TMEM117: variants seen among roughly 807,000 people sequenced by gnomAD.
The protein encoded by TMEM117 is transmembrane protein 117.
Under a neutral mutation model 52.4 loss-of-function variants are expected in TMEM117, and 27 were observed. That is an observed-to-expected ratio of 0.51 (90% CI 0.38 to 0.71). The LOEUF (loss-of-function observed/expected upper bound fraction) is 0.71, where lower values mean the gene tolerates loss of function less well. TMEM117 is among the 30% of genes least tolerant of loss of function. The pLI, the probability that TMEM117 is intolerant of heterozygous loss-of-function variation, is 0.00. For synonymous variants in TMEM117, 215 were observed against 206.3 expected (o/e 1.04, Z -0.36); for missense variants, 556 against 630.5 (o/e 0.88, Z 1.26).
chr12:43,829,390 T>C, the TMEM117 span, among the ~76,000 whole-genome samples: 2 of 152,210 alleles, frequency 1.3e-5, no homozygotes, highest in Non-Finnish European at 2.9e-5. Flanking sequence ...AATGTATTTA[T>C]ATTAGAAACC....
At chr12:44,040,897 G>A (rs1223641210) in intron 3 of TMEM117, among the ~76,000 whole-genome samples, 1 of 152,130 alleles carries the variant, frequency 6.6e-6, no homozygotes. Flanking sequence ...ATATAACGAA[G>A]ATGTTCAACA....
intron 4 of TMEM117, among the ~76,000 whole-genome samples, chr12:44,192,454 C>A (rs780715112): frequency 1.4e-4 from 22 of 152,146 alleles, no homozygotes; most frequent in Admixed American, 6.5e-5. Context: ...AATCATGAAA[C>A]TTCTCTGTGC....
At chr12:43,810,924 A>G in the TMEM117 span, among the ~76,000 whole-genome samples, 1 of 152,242 alleles carries the variant, frequency 6.6e-6, no homozygotes, top group Non-Finnish European at 1.5e-5. Context: ...TAACTCTTAC[A>G]TTTTATGTTA....
At chr12:44,232,355 A>G (rs1333742750) in intron 5 of TMEM117, among the ~76,000 whole-genome samples, 1 of 151,436 alleles carries the variant, frequency 6.6e-6, no homozygotes, top group Non-Finnish European at 1.5e-5. Context: ...TCCCACAACC[A>G]TTTATGGAAA....
At chr12:44,152,653 T>C (rs1460412326) in intron 4 of TMEM117, among the ~76,000 whole-genome samples, 1 of 130,864 alleles carries the variant, frequency 7.6e-6, no homozygotes, top group Non-Finnish European at 1.6e-5. Context: ...TTATATATAA[T>C]ATTTATATCA....
rs561766398 is a variant in TMEM117 at position 43,948,928 on chromosome 12, T to G, written c.410+4586T>G. ...ACTGAGATGCTCAGTGGAGGTGACTTAGGCACTTGAATTTTAACCCTTATG... is the reference window on the plus strand; with the variant it reads ...ACTGAGATGCTCAGTGGAGGTGACTGAGGCACTTGAATTTTAACCCTTATG... On this transcript the variant is annotated intron_variant, in intron 3 of 7. Coordinates refer to ENST00000266534, the MANE Select transcript of TMEM117 (RefSeq NM_032256.3). Among the ~76,000 whole-genome samples the G allele has an allele frequency of 4.6e-5, 7 of 152,250 alleles. No individual in the cohort carries two copies. In the South Asian group the frequency reaches 1.5e-3, roughly 32 times the overall value.
intron 3 of TMEM117, among the ~76,000 whole-genome samples, chr12:43,992,719 C>T (rs544446131): frequency 1.3e-5 from 2 of 152,318 alleles, no homozygotes; most frequent in South Asian, 4.1e-4. Context: ...AGCTTCACTT[C>T]CTGCTTGAGC....
chr12:44,029,730 G>GT (rs756137422), intron 3 of TMEM117, among the ~76,000 whole-genome samples: 1 of 152,212 alleles, frequency 6.6e-6, no homozygotes, highest in Non-Finnish European at 1.5e-5. Context: ...AATTTGGTGT[G>GT]TGTGTCTTTC....
At chr12:43,960,931 T>A (rs950109309) in intron 3 of TMEM117, among the ~76,000 whole-genome samples, 5 of 152,162 alleles carry the variant, frequency 3.3e-5, no homozygotes, top group Middle Eastern at 3.2e-3. Context: ...GCAAACTAAA[T>A]TTTTAAGGTT....
At chr12:44,034,082 C>G (rs570121398) in intron 3 of TMEM117, among the ~76,000 whole-genome samples, 2 of 152,274 alleles carry the variant, frequency 1.3e-5, no homozygotes, top group South Asian at 4.2e-4. Context: ...TTATACATTT[C>G]TAAGTCCCTC....
intron 3 of TMEM117, among the ~76,000 whole-genome samples, chr12:44,053,440 C>T (rs931156044): frequency 2.6e-5 from 4 of 152,166 alleles, no homozygotes; most frequent in Non-Finnish European, 2.9e-5. Flanking sequence ...AATATGTTCA[C>T]CAACCAGTAA....
intron 4 of TMEM117, among the ~76,000 whole-genome samples, chr12:44,156,135 T>C (rs932017401): frequency 1.3e-5 from 2 of 152,098 alleles, no homozygotes; most frequent in African/African-American, 4.8e-5. Flanking sequence ...TAACACTTAC[T>C]GAAGTGTTAA....
chr12:44,215,391 C>T (rs1949702341), intron 5 of TMEM117, among the ~76,000 whole-genome samples: 1 of 152,128 alleles, frequency 6.6e-6, no homozygotes, highest in Non-Finnish European at 1.5e-5. Context: ...GCAAGGGAGC[C>T]TAAATAGTGG....
At chr12:44,073,561 T>C (rs1947336673) in intron 3 of TMEM117, 1 of 152,348 alleles carries the variant, frequency 6.6e-6, no homozygotes, top group Non-Finnish European at 1.5e-5. Context: ...GGAACACAGA[T>C]ATGTCCTTAT....
At chr12:44,353,601 A>G (rs1255130086) in intron 6 of TMEM117, among the ~76,000 whole-genome samples, 3 of 151,996 alleles carry the variant, frequency 2.0e-5, no homozygotes, top group African/African-American at 4.8e-5. Flanking sequence ...AAGATCAGAT[A>G]GTTGTAGATA....
the TMEM117 span, among the ~76,000 whole-genome samples, chr12:44,396,861 A>AG: frequency 6.6e-6 from 1 of 151,544 alleles, no homozygotes; most frequent in African/African-American, 2.4e-5. Context: ...AAAAAAAAAA[A>AG]AAAGAAAGAA....
intron 2 of TMEM117, among the ~76,000 whole-genome samples, chr12:43,913,333 TG>T (rs1944547434): frequency 6.6e-6 from 1 of 152,202 alleles, no homozygotes; most frequent in Non-Finnish European, 1.5e-5. Flanking sequence ...AAACATTGCT[TG>T]AAACAATGTC....
Position 44,306,626 on chromosome 12 carries a change from G to A in TMEM117, c.768+6887G>A, listed in dbSNP as rs184533322. On this transcript the variant is annotated intron_variant, in intron 6 of 7. Coordinates refer to ENST00000266534, the MANE Select transcript of TMEM117 (RefSeq NM_032256.3). Reference sequence around the variant, plus strand: ...CTATAATGTGTAAGCTCCTTGAGGAGAGGAAGTGTTTTATCAATTTTTTCA... The same window carrying A: ...CTATAATGTGTAAGCTCCTTGAGGAAAGGAAGTGTTTTATCAATTTTTTCA... Among the ~76,000 whole-genome samples, 606 of 152,316 alleles carry A rather than the reference G, an allele frequency of 4.0e-3. 5 individuals carry two copies. Among genetic ancestry groups the A allele is most frequent in the Middle Eastern group, 0.014 (4 of 294 alleles).
chr12:44,338,899 G>A (rs1951378561), intron 6 of TMEM117, among the ~76,000 whole-genome samples: 1 of 152,010 alleles, frequency 6.6e-6, no homozygotes, highest in Non-Finnish European at 1.5e-5. Flanking sequence ...TGGAAAAGTG[G>A]GTGGAGCAAG....
Sources: gnomAD v4.1 joint callset for allele counts (sites outside exome capture counted in the v4.1 genomes callset) on GRCh38, gnomAD v4.1.1 for gene constraint, MANE v1.5 for transcripts, NCBI Gene and HGNC (gene_info 2026-07-23, HGNC 2026-07-21) for gene names.